The following NTRK3 variants were observed in gnomAD, a reference collection of about 807,000 sequenced individuals.
The protein encoded by NTRK3 is NT-3 growth factor receptor.
Under a neutral mutation model 91.7 loss-of-function variants are expected in NTRK3, and 24 were observed. The observed-to-expected ratio is 0.26, with a 90% CI of 0.19 to 0.37. NTRK3 has a LOEUF of 0.37. NTRK3 is among the 10% of genes least tolerant of loss of function. The probability of loss-of-function intolerance (pLI) is 1.00; values close to 1 mark genes in which losing one functional copy is unlikely to be tolerated. For missense variants in NTRK3, 880 were observed against 1,068.9 expected (o/e 0.82, Z 2.46); for synonymous variants, 483 against 404.0 (o/e 1.20, Z -2.34).
intron 13 of NTRK3, among the ~76,000 whole-genome samples, chr15:88,079,809 C>A (rs183604227): frequency 6.6e-5 from 10 of 151,938 alleles, no homozygotes; most frequent in African/African-American, 2.4e-4. Flanking sequence ...TTGAAGATGG[C>A]GAAAGAAAAG....
chr15:88,060,977 T>TC (rs1304571004), intron 13 of NTRK3, among the ~76,000 whole-genome samples: 1 of 152,144 alleles, frequency 6.6e-6, no homozygotes, highest in African/African-American at 2.4e-5. Flanking sequence ...CCTTTTTTTT[T>TC]CAACTATTAA....
intron 3 of NTRK3, among the ~76,000 whole-genome samples, chr15:88,229,096 T>G (rs1211397447): frequency 6.6e-6 from 1 of 152,188 alleles, no homozygotes; most frequent in Non-Finnish European, 1.5e-5. Flanking sequence ...CATAGCTGAG[T>G]GCTGGACCAA....
intron 3 of NTRK3, among the ~76,000 whole-genome samples, chr15:88,216,170 G>A (rs960807602): frequency 1.3e-5 from 2 of 152,164 alleles, no homozygotes; most frequent in African/African-American, 2.4e-5. Flanking sequence ...AGGGGTGAGA[G>A]CGAGTTGTTA....
At chr15:87,878,911 GT>G (rs2065086069) in intron 18 of NTRK3, among the ~76,000 whole-genome samples, 1 of 20,026 alleles carries the variant, frequency 5.0e-5, no homozygotes, top group Non-Finnish European at 1.4e-4. Context: ...TGCATGGTGT[GT>G]GTGTGTGTGT....
intron 3 of NTRK3, among the ~76,000 whole-genome samples, chr15:88,226,564 C>A (rs1007022288): frequency 6.6e-6 from 1 of 152,214 alleles, no homozygotes; most frequent in Non-Finnish European, 1.5e-5. Context: ...GGAAGTCCAG[C>A]CTCAAAAGTC....
intron 14 of NTRK3, among the ~76,000 whole-genome samples, chr15:87,972,819 T>C (rs949290118): frequency 2.6e-5 from 4 of 152,074 alleles, no homozygotes; most frequent in African/African-American, 7.2e-5. Flanking sequence ...AACCCTGCCG[T>C]TTTCCTCTAC....
chr15:88,254,991 A>T (rs2053863564), intron 3 of NTRK3, among the ~76,000 whole-genome samples: 1 of 152,032 alleles, frequency 6.6e-6, no homozygotes. Flanking sequence ...ATCCCCACCA[A>T]AGAAAAATAG....
At position 88,191,163 on chromosome 15, in the gene NTRK3, C is replaced by CGTGTGTGTGTGTGT. The variant is rs60048541; in HGVS notation, c.249-6878_249-6865dup. Among the ~76,000 whole-genome samples the CGTGTGTGTGTGTGT allele has an allele frequency of 2.1e-3, 296 of 137,962 alleles. 2 individuals carry two copies. Among genetic ancestry groups the CGTGTGTGTGTGTGT allele is most frequent in the African/African-American group, 7.6e-3 (281 of 37,192 alleles). 90.5% of individuals were successfully genotyped at this position (137,962 alleles called of 152,430 possible). ...GGAGGCAGCTGAAGCTGATGTTTCC[C>CGTGTGTGTGTGTGT]GTGTGTGTGTGTGTGTGTGTGTGTG... On this transcript the variant is annotated intron_variant, in intron 3 of 18. Coordinates refer to ENST00000394480, the Ensembl canonical transcript of NTRK3.
At chr15:87,940,225 T>C (rs7170062) in intron 15 of NTRK3, among the ~76,000 whole-genome samples, 81,240 of 151,928 alleles carry the variant, frequency 0.53, 22,880 homozygotes, top group African/African-American at 0.72. Context: ...TTAATCAGCC[T>C]GCTCTACAAC....
At chr15:88,231,959 T>C (rs758255743) in intron 3 of NTRK3, among the ~76,000 whole-genome samples, 10 of 152,204 alleles carry the variant, frequency 6.6e-5, no homozygotes, top group African/African-American at 2.4e-4. Flanking sequence ...TTTAAGATTG[T>C]CTTCCTAGAT....
chr15:87,931,267 T>A (rs1295685278), intron 16 of NTRK3: 1 of 516,422 alleles, frequency 1.9e-6, no homozygotes, highest in Admixed American at 2.0e-5. Context: ...TGGTGAAAAG[T>A]AGGGCATGCC....
chr15:88,121,121 C>T (rs1014826132), intron 13 of NTRK3, among the ~76,000 whole-genome samples: 2 of 151,374 alleles, frequency 1.3e-5, no homozygotes. Context: ...GCAAAAGATC[C>T]ACACACTTGC....
chr15:88,071,525 C>T (rs566259858), intron 13 of NTRK3, among the ~76,000 whole-genome samples: 40 of 152,370 alleles, frequency 2.6e-4, no homozygotes, highest in African/African-American at 9.1e-4. Context: ...GCTTCTGATA[C>T]AGCTGAGATA....
chr15:88,073,555 G>A (rs1253898887), intron 13 of NTRK3, among the ~76,000 whole-genome samples: 1 of 152,108 alleles, frequency 6.6e-6, no homozygotes, highest in African/African-American at 2.4e-5. Context: ...AGGAAGGGAG[G>A]GCAGTATAAG....
At chr15:87,866,409 A>G (rs768198649) in exon 19 of NTRK3, 14 of 171,800 alleles carry the variant, frequency 8.1e-5, no homozygotes, top group Non-Finnish European at 1.6e-4. Context: ...TAAAAAGTAT[A>G]CATTTACATA....
chr15:87,871,072 T>A (rs544742129), exon 19 of NTRK3: 2 of 229,886 alleles, frequency 8.7e-6, no homozygotes, highest in East Asian at 6.2e-5. Flanking sequence ...AGAAGTAAAC[T>A]AGAAAGAAGA....
chr15:88,243,479 A>T lies in NTRK3; in HGVS notation c.248+12427T>A, dbSNP rs2052550879. 1.3e-5 allele frequency among the ~76,000 whole-genome samples: 2 copies of T among 151,744 alleles called. No individual in the cohort carries two copies. Among genetic ancestry groups the T allele is most frequent in the African/African-American group, 4.9e-5 (2 of 41,188 alleles). ...TGGAGTTTCTTCACCAGTAAAGCCCAAAGCTTAGCAGTGACCCCTACCCCT... is the reference window on the plus strand; with the variant it reads ...TGGAGTTTCTTCACCAGTAAAGCCCTAAGCTTAGCAGTGACCCCTACCCCT... On this transcript the variant is annotated intron_variant, in intron 3 of 18. Coordinates refer to ENST00000394480, the Ensembl canonical transcript of NTRK3. The surrounding 1 kb of genome is among the most constrained non-coding windows in gnomAD (Gnocchi z 4.8).
chr15:88,155,606 T>C (rs2043814976), intron 5 of NTRK3, among the ~76,000 whole-genome samples: 1 of 152,196 alleles, frequency 6.6e-6, no homozygotes, highest in Admixed American at 6.5e-5. Context: ...AAATATTTAC[T>C]ATGTGACCCT....
At chr15:88,199,904 G>C (rs2048156660) in intron 3 of NTRK3, among the ~76,000 whole-genome samples, 1 of 152,184 alleles carries the variant, frequency 6.6e-6, no homozygotes, top group Non-Finnish European at 1.5e-5. Context: ...CCACTTCCAA[G>C]AAAGGAAGTG....
Sources: allele counts gnomAD v4.1 joint callset (sites outside exome capture counted in the v4.1 genomes callset), GRCh38; gene constraint gnomAD v4.1.1; non-coding constraint Gnocchi (gnomAD v3.1); transcripts MANE v1.5; gene names NCBI Gene and HGNC (gene_info 2026-07-23, HGNC 2026-07-21).